Variants in LRBA observed in about 807,000 individuals in gnomAD.
LRBA encodes LPS responsive beige-like anchor protein, also known as lipopolysaccharide-responsive and beige-like anchor protein.
A neutral mutation model predicts 330.0 loss-of-function variants in LRBA; 176 were observed. The ratio of observed to expected loss-of-function variants is 0.53; its 90% CI spans 0.47 to 0.60. The LOEUF (loss-of-function observed/expected upper bound fraction) is 0.60, where lower values mean the gene tolerates loss of function less well. Among genes scored for constraint, LRBA ranks in the 20% least tolerant of loss-of-function variants. LRBA has a pLI of 0.00. For missense variants in LRBA, 3,259 were observed against 3,444.8 expected (o/e 0.95, Z 1.35); for synonymous variants, 1,230 against 1,193.0 (o/e 1.03, Z -0.64).
intron 43 of LRBA, among the ~76,000 whole-genome samples, chr4:150,469,693 T>C (rs1412158138): frequency 2.0e-5 from 3 of 152,040 alleles, no homozygotes. Context: ...GCCCCTCAAC[T>C]TCCAATTCTT....
chr4:150,618,896 A>G (rs1776039376), intron 37 of LRBA, among the ~76,000 whole-genome samples: 2 of 151,140 alleles, frequency 1.3e-5, no homozygotes, highest in Admixed American at 6.6e-5. Context: ...ACATATATAT[A>G]TCCTAATTCA....
At chr4:150,521,200 A>T (rs1431938880) in intron 40 of LRBA, among the ~76,000 whole-genome samples, 2 of 152,018 alleles carry the variant, frequency 1.3e-5, no homozygotes, top group Non-Finnish European at 2.9e-5. Flanking sequence ...CTAGTTTTTT[A>T]AAGTTGATTT....
At chr4:150,982,950 G>A (rs1741021311) in intron 2 of LRBA, among the ~76,000 whole-genome samples, 1 of 152,136 alleles carries the variant, frequency 6.6e-6, no homozygotes, top group African/African-American at 2.4e-5. Context: ...TATTTCCTAG[G>A]AATTATCCAG....
At chr4:150,477,570 T>C (rs1756854284) in intron 42 of LRBA, among the ~76,000 whole-genome samples, 1 of 152,058 alleles carries the variant, frequency 6.6e-6, no homozygotes, top group African/African-American at 2.4e-5. Flanking sequence ...TGTTGACATG[T>C]GGGGATTATA....
At position 150,455,919 on chromosome 4, in the gene LRBA, G is replaced by A. The variant is rs1158100853; in HGVS notation, c.6780+11754C>T. On this transcript the variant is annotated intron_variant, in intron 44 of 56. Transcript: ENST00000651943. ...TCCTCACAAGTAAGTGAGAACATGT[G>A]ATGTTTGTCTGTCTGTGCCTGGTTT... Among the ~76,000 whole-genome samples, 3 of 152,050 alleles carry A rather than the reference G, an allele frequency of 2.0e-5. No individual in the cohort carries two copies. In the East Asian group the frequency reaches 5.8e-4, roughly 29 times the overall value.
chr4:150,953,694 T>C (rs1737131107), intron 2 of LRBA, among the ~76,000 whole-genome samples: 1 of 151,894 alleles, frequency 6.6e-6, no homozygotes. Flanking sequence ...AGTGCAGTGG[T>C]GTGATCTCGG....
chr4:150,392,607 T>C (rs1320073047), intron 47 of LRBA, among the ~76,000 whole-genome samples: 1 of 152,182 alleles, frequency 6.6e-6, no homozygotes, highest in Non-Finnish European at 1.5e-5. Flanking sequence ...TGGAGTTCAC[T>C]CATGATTTGG....
intron 40 of LRBA, among the ~76,000 whole-genome samples, chr4:150,547,647 T>G (rs894895797): frequency 6.6e-6 from 1 of 152,120 alleles, no homozygotes; most frequent in Non-Finnish European, 1.5e-5. Context: ...ATGGAACCTT[T>G]AATTGGATTG....
chr4:150,534,112 A>G (rs549982421), intron 40 of LRBA, among the ~76,000 whole-genome samples: 1 of 152,022 alleles, frequency 6.6e-6, no homozygotes, highest in Non-Finnish European at 1.5e-5. Context: ...TAAAAAGTGC[A>G]TTCCTTTTTA....
Position 150,844,193 on chromosome 4 carries a change from A to C in LRBA, c.4476T>G (p.Ile1492Met), listed in dbSNP as rs754609853. ...GKSAAKSPVD[I>M]VTGGISPVRD... ...TTACTGGAGATATACCGCCAGTCAC[A>C]ATGTCCACTGGGCTCTATTTAAGAT... is the stretch of plus-strand genomic sequence containing the variant. The change falls in exon 28 of 57, where the codon ATT becomes ATG. Residue 1492 changes from isoleucine to methionine, a missense_variant. Physicochemically the swap from Ile to Met is conservative, Grantham distance 10. Coordinates refer to ENST00000651943, the MANE Select transcript of LRBA (RefSeq NM_001364905.1). 4 of 1,597,770 alleles carry C rather than the reference A, an allele frequency of 2.5e-6. No homozygotes were observed. The East Asian group carries it at 8.9e-5, about 36-fold the overall frequency.
At chr4:150,692,518 C>G (rs1421127719) in intron 36 of LRBA, among the ~76,000 whole-genome samples, 1 of 152,070 alleles carries the variant, frequency 6.6e-6, no homozygotes, top group Non-Finnish European at 1.5e-5. Flanking sequence ...CCATGCCCAG[C>G]AAGAAGTTTT....
At chr4:150,827,339 C>G (rs1428262014) in intron 30 of LRBA, among the ~76,000 whole-genome samples, 2 of 152,068 alleles carry the variant, frequency 1.3e-5, no homozygotes, top group African/African-American at 4.8e-5. Context: ...CATTTTTAGA[C>G]AAATAAAAAA....
At position 150,852,145 on chromosome 4, in the gene LRBA, C is replaced by G; in HGVS notation, c.3565G>C (p.Ala1189Pro). ...GAAACAGTAGTTTCTGGTGACATAG[C>G]TGAAGACCCTGATGCTGTCATAGTC... The part of the protein sequence containing the change: ...IQTMTASGSS[A>P]MSPETTVSQI... Residue 1189 changes from alanine (A) to proline (P), a missense_variant, in exon 23 of 57, where the codon GCT (alanine) becomes CCT (proline). Ala to Pro is a conservative substitution (Grantham distance 27). Transcript: ENST00000651943. The G allele has an allele frequency of 3.7e-6, 6 of 1,614,114 alleles. No individual in the cohort carries two copies. Among genetic ancestry groups the G allele is most frequent in the Non-Finnish European group, 5.1e-6 (6 of 1,179,980 alleles).
rs138778572 is a variant in LRBA at position 150,656,782 on chromosome 4, C to T, written c.5921+26769G>A. Reference sequence around the variant, plus strand: ...TTTATTCACTACTAGATATTCAGTGCTTAGAACAATGTTGCAAACAGTGAA... The same window carrying T: ...TTTATTCACTACTAGATATTCAGTGTTTAGAACAATGTTGCAAACAGTGAA... On this transcript the variant is annotated intron_variant, in intron 37 of 56. Coordinates refer to ENST00000651943, the MANE Select transcript of LRBA (RefSeq NM_001364905.1). 7.2e-3 allele frequency among the ~76,000 whole-genome samples: 1,090 copies of T among 152,160 alleles called. 10 individuals carry two copies. The highest frequency in any genetic ancestry group is 0.038 in the Middle Eastern group (11 of 292).
intron 40 of LRBA, among the ~76,000 whole-genome samples, chr4:150,509,267 C>CA (rs1328648654): frequency 2.6e-5 from 4 of 151,428 alleles, no homozygotes; most frequent in South Asian, 4.2e-4. Flanking sequence ...GAAAAGGCCC[C>CA]AAATTTGAAA....
intron 2 of LRBA, among the ~76,000 whole-genome samples, chr4:150,982,294 C>T (rs1255795861): frequency 2.6e-5 from 4 of 152,044 alleles, no homozygotes; most frequent in Non-Finnish European, 2.9e-5. Context: ...AAAGTACTTA[C>T]GTACATTGTG....
At chr4:150,599,243 C>T (rs1773855479) in intron 37 of LRBA, 112 bp from the exon 38 acceptor site, 1 of 1,113,574 alleles carries the variant, frequency 9.0e-7, no homozygotes, top group African/African-American at 1.6e-5. Context: ...CCCTCTCCTT[C>T]CACTTAATTC....
rs569018307 is a variant in LRBA, at chr4:151,007,429, C to T, written c.216+6998G>A. Among the ~76,000 whole-genome samples the T allele has an allele frequency of 6.3e-4, 92 of 145,810 alleles. 1 individual carries two copies. The South Asian group carries it at 0.01, about 16-fold the overall frequency. On this transcript the variant is annotated intron_variant, in intron 2 of 56. Transcript: ENST00000651943. Reference sequence around the variant, plus strand: ...CTGAGGCAGGAGAATAGTGTGAACCCGGGAGGCGGAGCTTTCAGTGAGCGG... The same window carrying T: ...CTGAGGCAGGAGAATAGTGTGAACCTGGGAGGCGGAGCTTTCAGTGAGCGG...
intron 37 of LRBA, among the ~76,000 whole-genome samples, chr4:150,639,615 A>G (rs1423919607): frequency 6.3e-5 from 9 of 143,226 alleles, no homozygotes; most frequent in Non-Finnish European, 1.2e-4. Context: ...AAAATTCTAG[A>G]CATTCCACAA....
Sources: allele counts gnomAD v4.1 joint callset (sites outside exome capture counted in the v4.1 genomes callset), GRCh38; gene constraint gnomAD v4.1.1; transcripts MANE v1.5; gene names NCBI Gene and HGNC (gene_info 2026-07-23, HGNC 2026-07-21).